The following GALNTL6 variants were observed in gnomAD, a reference collection of about 807,000 sequenced individuals.
GALNTL6 encodes the protein polypeptide N-acetylgalactosaminyltransferase like 6.
Under a neutral mutation model 73.7 loss-of-function variants are expected in GALNTL6, and 46 were observed. That is an observed-to-expected ratio of 0.62 (90% CI 0.49 to 0.80). GALNTL6 has a LOEUF of 0.80. Among genes scored for constraint, GALNTL6 ranks in the 30% least tolerant of loss-of-function variants. The pLI is 0.00. For synonymous variants in GALNTL6, 259 were observed against 263.7 expected, an observed-to-expected ratio of 0.98 and a Z score of 0.17; for missense variants, 604 against 755.0, an observed-to-expected ratio of 0.80 and a Z score of 2.34.
intron 2 of GALNTL6, among the ~76,000 whole-genome samples, chr4:171,980,873 C>T (rs1452521140): frequency 6.6e-6 from 1 of 152,098 alleles, no homozygotes; most frequent in African/African-American, 2.4e-5. Flanking sequence ...TATTGCCAAG[C>T]AATATGAATA....
At chr4:171,819,492 G>A (rs992193070) in intron 2 of GALNTL6, among the ~76,000 whole-genome samples, 2 of 152,274 alleles carry the variant, frequency 1.3e-5, no homozygotes, top group African/African-American at 2.4e-5. Context: ...AGTTTTCCCT[G>A]CAAAAGGAGC....
intron 2 of GALNTL6, among the ~76,000 whole-genome samples, chr4:171,959,624 G>C (rs1291749007): frequency 5.3e-5 from 8 of 152,170 alleles, no homozygotes; most frequent in African/African-American, 1.9e-4. Flanking sequence ...GCTGAGGCAG[G>C]AGAAATCCTT....
chr4:172,279,406 C>T (rs1738949415), intron 3 of GALNTL6, among the ~76,000 whole-genome samples: 1 of 149,426 alleles, frequency 6.7e-6, no homozygotes. Context: ...TAAATGACTT[C>T]AATAGACATT....
At chr4:172,244,589 A>G (rs1737558271) in intron 3 of GALNTL6, among the ~76,000 whole-genome samples, 1 of 152,122 alleles carries the variant, frequency 6.6e-6, no homozygotes, top group Non-Finnish European at 1.5e-5. Context: ...TGTTAATTAA[A>G]CTTCCTGGGC....
At chr4:172,941,181 G>T (rs751124394) in intron 9 of GALNTL6, among the ~76,000 whole-genome samples, 1 of 152,134 alleles carries the variant, frequency 6.6e-6, no homozygotes, top group Non-Finnish European at 1.5e-5. Flanking sequence ...TTGTGCAAAA[G>T]AGAGCTTGTA....
Position 171,920,145 on chromosome 4 carries a change from C to T in GALNTL6, c.138+105427C>T, listed in dbSNP as rs185763009. ...TCGCAAGGACAAAAAAACCAAACACCGCTTGTTCTCACTCTTAGGTGGGAA... is the reference window on the plus strand; with the variant it reads ...TCGCAAGGACAAAAAAACCAAACACTGCTTGTTCTCACTCTTAGGTGGGAA... On this transcript the variant is annotated intron_variant, in intron 2 of 12. Coordinates refer to ENST00000506823, the MANE Select transcript of GALNTL6 (RefSeq NM_001034845.3). Among the ~76,000 whole-genome samples the T allele has an allele frequency of 3.3e-3, 500 of 152,076 alleles. 3 individuals carry two copies. Among genetic ancestry groups the T allele is most frequent in the African/African-American group, 0.011 (471 of 41,468 alleles).
intron 2 of GALNTL6, among the ~76,000 whole-genome samples, chr4:171,983,021 T>C (rs1185156787): frequency 1.3e-5 from 2 of 152,186 alleles, no homozygotes; most frequent in African/African-American, 4.8e-5. Flanking sequence ...TTTTCCTCCT[T>C]GCACTTTCTC....
At chr4:172,962,150 A>G (rs1750088620) in intron 10 of GALNTL6, among the ~76,000 whole-genome samples, 1 of 152,190 alleles carries the variant, frequency 6.6e-6, no homozygotes, top group Non-Finnish European at 1.5e-5. Flanking sequence ...TGAGCCAGGA[A>G]AATGAATTTC....
intron 5 of GALNTL6, among the ~76,000 whole-genome samples, chr4:172,806,800 A>G (rs1478057960): frequency 2.6e-5 from 4 of 152,344 alleles, no homozygotes; most frequent in South Asian, 2.1e-4. Context: ...CACTATTTCC[A>G]TGAGACAATA....
At chr4:172,134,963 C>T (rs887551086) in intron 2 of GALNTL6, among the ~76,000 whole-genome samples, 5 of 152,174 alleles carry the variant, frequency 3.3e-5, no homozygotes, top group African/African-American at 1.2e-4. Context: ...CCCAGCCGCA[C>T]CTAACTACAA....
At chr4:172,693,066 T>C (rs1001928375) in intron 5 of GALNTL6, among the ~76,000 whole-genome samples, 5 of 152,152 alleles carry the variant, frequency 3.3e-5, no homozygotes, top group African/African-American at 1.2e-4. Flanking sequence ...TTGGCCAAAA[T>C]ATGCATAAAA....
intron 2 of GALNTL6, among the ~76,000 whole-genome samples, chr4:171,865,542 G>A (rs1735948267): frequency 1.3e-5 from 2 of 152,188 alleles, no homozygotes; most frequent in Non-Finnish European, 2.9e-5. Flanking sequence ...TAGAGCTGTA[G>A]AAATTTAAGG....
intron 2 of GALNTL6, among the ~76,000 whole-genome samples, chr4:171,902,824 G>A (rs1737138469): frequency 2.0e-5 from 3 of 152,062 alleles, no homozygotes; most frequent in Non-Finnish European, 4.4e-5. Flanking sequence ...GACAGAAAAT[G>A]GAAAGGATAC....
intron 3 of GALNTL6, among the ~76,000 whole-genome samples, chr4:172,288,363 T>C (rs1739341622): frequency 6.6e-6 from 1 of 152,190 alleles, no homozygotes; most frequent in Non-Finnish European, 1.5e-5. Flanking sequence ...AGTGCTGGGA[T>C]TACAGGCATG....
intron 3 of GALNTL6, among the ~76,000 whole-genome samples, chr4:172,268,483 TG>T (rs1341732262): frequency 6.6e-6 from 1 of 152,172 alleles, no homozygotes; most frequent in Non-Finnish European, 1.5e-5. Context: ...GACCAGTAGT[TG>T]GATGCAGGTG....
At chr4:172,687,883 A>G (rs185062391) in intron 5 of GALNTL6, among the ~76,000 whole-genome samples, 47 of 152,264 alleles carry the variant, frequency 3.1e-4, no homozygotes, top group Middle Eastern at 3.4e-3. Context: ...TAAAAGCAAA[A>G]TGTATGAAAT....
chr4:172,144,782 G>A (rs954967849), intron 2 of GALNTL6, among the ~76,000 whole-genome samples: 36 of 152,094 alleles, frequency 2.4e-4, no homozygotes. Context: ...ATTTGTCCCT[G>A]CAGAGCTAAC....
chr4:172,904,901 C>T (rs938376623), intron 8 of GALNTL6, among the ~76,000 whole-genome samples: 1 of 152,148 alleles, frequency 6.6e-6, no homozygotes, highest in Non-Finnish European at 1.5e-5. Flanking sequence ...AGGTCTAATT[C>T]TGCCACACAC....
Position 172,807,319 on chromosome 4 carries a change from G to T in GALNTL6, c.554-2042G>T, listed in dbSNP as rs570831744. On this transcript the variant is annotated intron_variant, in intron 5 of 12. Transcript: ENST00000506823. ...TTGCCACAACTTCTTCCTTTAATTTGCAAGAGATACAAGATGATGAATTAT... is the reference window on the plus strand; with the variant it reads ...TTGCCACAACTTCTTCCTTTAATTTTCAAGAGATACAAGATGATGAATTAT... Among the ~76,000 whole-genome samples, 33 of 152,250 alleles carry T rather than the reference G, an allele frequency of 2.2e-4. No homozygotes were observed. The South Asian group carries it at 3.9e-3, about 18-fold the overall frequency.
Sources: allele counts gnomAD v4.1 joint callset (sites outside exome capture counted in the v4.1 genomes callset), GRCh38; gene constraint gnomAD v4.1.1; transcripts MANE v1.5; gene names NCBI Gene and HGNC (gene_info 2026-07-23, HGNC 2026-07-21).